SEZ6L: variants seen among roughly 807,000 people sequenced by gnomAD.
SEZ6L encodes seizure 6-like protein.
In SEZ6L, 37 loss-of-function variants were observed where a neutral mutation model predicts 106.2. That is an observed-to-expected ratio of 0.35 (90% confidence interval 0.27 to 0.46). The LOEUF (loss-of-function observed/expected upper bound fraction) is 0.46, where lower values mean the gene tolerates loss of function less well. Among genes scored for constraint, SEZ6L ranks in the 20% least tolerant of loss-of-function variants. SEZ6L has a pLI of 1.00. For synonymous variants in SEZ6L, 541 were observed against 570.4 expected (o/e 0.95, Z 0.73); for missense variants, 1,172 against 1,332.8 (o/e 0.88, Z 1.88).
intron 10 of SEZ6L, among the ~76,000 whole-genome samples, chr22:26,343,086 G>T (rs2082894706): frequency 1.3e-5 from 2 of 152,060 alleles, no homozygotes; most frequent in South Asian, 2.1e-4. Context: ...ATTTCTTGTG[G>T]GTTCCCCGCT....
intron 1 of SEZ6L, among the ~76,000 whole-genome samples, chr22:26,269,949 G>A (rs1417710446): frequency 6.6e-6 from 1 of 152,252 alleles, no homozygotes; most frequent in East Asian, 1.9e-4. Context: ...AGCCAGCCCA[G>A]AAGGGGACAA....
intron 1 of SEZ6L, among the ~76,000 whole-genome samples, chr22:26,221,825 G>C (rs1354163097): frequency 2.0e-5 from 3 of 151,956 alleles, no homozygotes; most frequent in Non-Finnish European, 1.5e-5. Context: ...ATTTCTGCTT[G>C]GACCCAAGTC....
intron 12 of SEZ6L, among the ~76,000 whole-genome samples, chr22:26,357,329 C>G (rs8135056): frequency 6.6e-6 from 1 of 151,824 alleles, no homozygotes; most frequent in Non-Finnish European, 1.5e-5. Flanking sequence ...GTTTGGGAAC[C>G]CTGGCACTAG....
At chr22:26,210,078 C>A (rs558304962) in intron 1 of SEZ6L, among the ~76,000 whole-genome samples, 1 of 151,718 alleles carries the variant, frequency 6.6e-6, no homozygotes, top group Non-Finnish European at 1.5e-5. Flanking sequence ...CAAAAAATAT[C>A]ATTTGTTTGT....
chr22:26,314,443 C>T (rs2081941360), intron 9 of SEZ6L, among the ~76,000 whole-genome samples: 1 of 152,176 alleles, frequency 6.6e-6, no homozygotes. Context: ...CTGTAACACC[C>T]ATTTACTGGA....
intron 6 of SEZ6L, among the ~76,000 whole-genome samples, chr22:26,307,764 G>T (rs2081680784): frequency 6.6e-6 from 1 of 152,122 alleles, no homozygotes; most frequent in South Asian, 2.1e-4. Context: ...CCTCAGATCT[G>T]CCTCTTCTGA....
rs191456665 is a variant in SEZ6L at position 26,187,535 on chromosome 22, T to C, written c.94+17772T>C. 1.4e-4 allele frequency among the ~76,000 whole-genome samples: 22 copies of C among 152,350 alleles called. 1 individual carries two copies. The highest frequency in any genetic ancestry group is 2.6e-4 in the Admixed American group (4 of 15,302). ...ACAGGATTCCCAGCCTTTGACCCTT[T>C]GGCTGTGTCTAAAACCTCCAACTCA... On this transcript the variant is annotated intron_variant, in intron 1 of 16. Coordinates refer to ENST00000248933, the MANE Select transcript of SEZ6L (RefSeq NM_021115.5).
At chr22:26,214,337 A>G (rs1292165956) in intron 1 of SEZ6L, among the ~76,000 whole-genome samples, 1 of 152,196 alleles carries the variant, frequency 6.6e-6, no homozygotes, top group Non-Finnish European at 1.5e-5. Context: ...TTAAAGAAGT[A>G]GATGCATGTG....
intron 10 of SEZ6L, among the ~76,000 whole-genome samples, chr22:26,343,424 G>T (rs951889547): frequency 2.6e-5 from 4 of 152,040 alleles, no homozygotes; most frequent in Non-Finnish European, 5.9e-5. Flanking sequence ...TGAAGAAGAA[G>T]TGTTTTTGTT....
chr22:26,220,694 G>T (rs1163669573), intron 1 of SEZ6L, among the ~76,000 whole-genome samples: 1 of 152,158 alleles, frequency 6.6e-6, no homozygotes, highest in Non-Finnish European at 1.5e-5. Flanking sequence ...ATATGGTCCT[G>T]CAATCCCCTG....
intron 1 of SEZ6L, among the ~76,000 whole-genome samples, chr22:26,170,610 AC>A (rs1210572708): frequency 6.6e-6 from 1 of 152,054 alleles, no homozygotes; most frequent in Non-Finnish European, 1.5e-5. Flanking sequence ...CCGGTAAGGT[AC>A]CCCAGGAAAA....
chr22:26,380,232 G>T, intron 16 of SEZ6L, 34 bp from the exon 17 acceptor site: 1 of 1,611,046 alleles, frequency 6.2e-7, no homozygotes, highest in Non-Finnish European at 8.5e-7. Context: ...TACCACACAA[G>T]CGTTTGACAA....
intron 12 of SEZ6L, among the ~76,000 whole-genome samples, chr22:26,356,822 A>G (rs2083452016): frequency 6.6e-6 from 1 of 152,174 alleles, no homozygotes; most frequent in Non-Finnish European, 1.5e-5. Flanking sequence ...TAGCACGAGC[A>G]CCACAAAAAA....
At chr22:26,246,510 G>A (rs73879859) in intron 1 of SEZ6L, among the ~76,000 whole-genome samples, 2,192 of 151,974 alleles carry the variant, frequency 0.014, 53 homozygotes, top group African/African-American at 0.051. Flanking sequence ...CAGTGGAAAA[G>A]CCATTTTTCC....
chr22:26,306,495 G>C (rs1332963389), intron 6 of SEZ6L, among the ~76,000 whole-genome samples: 1 of 152,166 alleles, frequency 6.6e-6, no homozygotes, highest in African/African-American at 2.4e-5. Context: ...CATATATTAG[G>C]CTCCATGGAG....
intron 1 of SEZ6L, among the ~76,000 whole-genome samples, chr22:26,251,635 G>T (rs1271748469): frequency 6.6e-6 from 1 of 152,196 alleles, no homozygotes; most frequent in Non-Finnish European, 1.5e-5. Context: ...TTAGCTTAGG[G>T]CTGCTAGGGG....
rs756757427 is a variant in SEZ6L at position 26,347,789 on chromosome 22, G to A, written c.2283G>A (p.Thr761=). 16 of 1,609,542 alleles carry A rather than the reference G, an allele frequency of 9.9e-6. No individual in the cohort carries two copies. The highest frequency in any genetic ancestry group is 1.7e-4 in the Middle Eastern group (1 of 6,050). ...ATGGCTGGAAAACCACTTCTCACAC[G>A]GAGTTGGTGCGGGGAGCCAGAATCA... ...IQNGWKTTSH[T]ELVRGARITY... The change falls in exon 11 of 17, where the codon ACG becomes ACA. Residue 761 remains threonine, a synonymous_variant. Transcript: ENST00000248933.
intron 1 of SEZ6L, among the ~76,000 whole-genome samples, chr22:26,251,293 T>C (rs2079569939): frequency 6.6e-6 from 1 of 152,070 alleles, no homozygotes; most frequent in African/African-American, 2.4e-5. Flanking sequence ...ATATATGGCC[T>C]TTATTGTGTT....
In SEZ6L at chr22:26,169,671, TGCCCGCGGCCCGGCC is replaced by T; in HGVS notation, c.9_23del (p.ArgProProAlaAla5_?9). ...GGCTCCGCGCCCCCTGCAGCCACGA[TGCCCGCGGCCCGGCC>T]GCCCGCCGCGGGACTCCGCGGGATC... On this transcript the variant is annotated start_lost and inframe_deletion, in exon 1 of 17. Transcript: ENST00000248933. 1.7e-5 allele frequency: 22 copies of T among 1,291,490 alleles called. No homozygotes were observed. The highest frequency in any genetic ancestry group is 2.1e-5 in the Non-Finnish European group (21 of 1,006,312). 80.0% of individuals were successfully genotyped at this position (1,291,490 alleles called of 1,614,324 possible).
Sources: allele counts gnomAD v4.1 joint callset (sites outside exome capture counted in the v4.1 genomes callset), GRCh38; gene constraint gnomAD v4.1.1; transcripts MANE v1.5; gene names NCBI Gene and HGNC (gene_info 2026-07-23, HGNC 2026-07-21).